The following CSNK1A1 variants were observed in gnomAD, a reference collection of about 807,000 sequenced individuals.
CSNK1A1 encodes casein kinase 1 alpha 1, also known as casein kinase I isoform alpha.
Under a neutral mutation model 46.1 loss-of-function variants are expected in CSNK1A1, and 7 were observed. The ratio of observed to expected loss-of-function variants is 0.15; its 90% confidence interval spans 0.09 to 0.29. The LOEUF (loss-of-function observed/expected upper bound fraction) is 0.29. Among genes scored for constraint, CSNK1A1 ranks in the 10% least tolerant of loss-of-function variants. CSNK1A1 has a pLI of 1.00. For missense variants in CSNK1A1, 96 were observed against 417.1 expected (o/e 0.23, Z 6.71); for synonymous variants, 137 against 141.5 (o/e 0.97, Z 0.23).
chr5:149,498,233 T>A (rs929090076), intron 9 of CSNK1A1: 1 of 985,294 alleles, frequency 1.0e-6, no homozygotes, highest in Non-Finnish European at 1.2e-6. Flanking sequence ...GCCCCTTTTT[T>A]TTTTTGGGAA....
chr5:149,534,048 T>A (rs530031218), intron 2 of CSNK1A1, among the ~76,000 whole-genome samples: 1 of 152,198 alleles, frequency 6.6e-6, no homozygotes, highest in Non-Finnish European at 1.5e-5. Context: ...AGAAACAAAC[T>A]GTACAGCTTA....
At chr5:149,510,012 A>AT in intron 6 of CSNK1A1, 59 bp from the exon 7 acceptor site, 1 of 1,154,076 alleles carries the variant, frequency 8.7e-7, no homozygotes, top group Non-Finnish European at 1.3e-6. Flanking sequence ...GAACCATGGT[A>AT]GTTTAACGCA....
intron 2 of CSNK1A1, among the ~76,000 whole-genome samples, chr5:149,527,150 C>A (rs1225771937): frequency 6.6e-6 from 1 of 150,550 alleles, no homozygotes; most frequent in African/African-American, 2.4e-5. Context: ...TTTTGAGACA[C>A]AGTCTCTTGC....
At chr5:149,508,869 C>T (rs1761123099) in intron 7 of CSNK1A1, among the ~76,000 whole-genome samples, 1 of 152,174 alleles carries the variant, frequency 6.6e-6, no homozygotes, top group African/African-American at 2.4e-5. Context: ...AAACCAGAAA[C>T]ATAAAACACT....
intron 2 of CSNK1A1, among the ~76,000 whole-genome samples, chr5:149,532,881 C>G (rs553879924): frequency 6.6e-6 from 1 of 152,202 alleles, no homozygotes; most frequent in African/African-American, 2.4e-5. Flanking sequence ...TGGTTATGAA[C>G]CAGGTTAAGA....
intron 9 of CSNK1A1, chr5:149,499,086 T>C (rs1245863045): frequency 3.0e-6 from 3 of 985,272 alleles, no homozygotes; most frequent in African/African-American, 3.5e-5. Flanking sequence ...TGTCCTAAGA[T>C]GTTACTGAAG....
chr5:149,537,331 G>A (rs1029947036), intron 2 of CSNK1A1, among the ~76,000 whole-genome samples: 2 of 152,140 alleles, frequency 1.3e-5, no homozygotes, highest in African/African-American at 4.8e-5. Context: ...AGCCGAGATC[G>A]TGCCACTGTA....
chr5:149,512,817 T>TA (rs1263610115), intron 5 of CSNK1A1, among the ~76,000 whole-genome samples: 2 of 152,202 alleles, frequency 1.3e-5, no homozygotes, highest in African/African-American at 4.8e-5. Flanking sequence ...ACATTGCACT[T>TA]ATGCTTCTAA....
intron 2 of CSNK1A1, among the ~76,000 whole-genome samples, chr5:149,530,535 T>TA (rs1468845827): frequency 1.3e-5 from 2 of 152,240 alleles, no homozygotes; most frequent in Non-Finnish European, 1.5e-5. Context: ...CTCTCAAACT[T>TA]AGTCTCTTGC....
rs570485621 is a variant in CSNK1A1 at position 149,517,331 on chromosome 5, C to T, written c.456+2959G>A. Among the ~76,000 whole-genome samples, 2 of 152,268 alleles carry T rather than the reference C, an allele frequency of 1.3e-5. No individual in the cohort carries two copies. The highest frequency in any genetic ancestry group is 4.8e-5 in the African/African-American group (2 of 41,564). On this transcript the variant is annotated intron_variant, in intron 4 of 9. Transcript: ENST00000377843. This position sits in a 1 kb window ranked among gnomAD's most constrained non-coding sequence, Gnocchi z 4.4. ...AACACTAGATCTGAAATCTGATCTA[C>T]ACTTACCTGAAGTTCCTTAGGGAAG...
At chr5:149,544,943 C>T (rs960691439) in intron 2 of CSNK1A1, among the ~76,000 whole-genome samples, 3 of 150,886 alleles carry the variant, frequency 2.0e-5, no homozygotes, top group African/African-American at 7.3e-5. Flanking sequence ...TGAGACTAGC[C>T]TGGCCATCAC....
At chr5:149,536,212 C>T (rs1580853225) in intron 2 of CSNK1A1, among the ~76,000 whole-genome samples, 1 of 152,176 alleles carries the variant, frequency 6.6e-6, no homozygotes, top group Non-Finnish European at 1.5e-5. Flanking sequence ...CTCGGCCTCC[C>T]AAAGTGCTAG....
At chr5:149,498,163 C>T (rs185997743) in intron 9 of CSNK1A1, 4 of 985,224 alleles carry the variant, frequency 4.1e-6, no homozygotes, top group African/African-American at 3.5e-5. Context: ...GTTGGGCCAT[C>T]TCCCATGGGC....
chr5:149,547,673 GT>G (rs549925571), intron 2 of CSNK1A1, among the ~76,000 whole-genome samples: 43 of 148,186 alleles, frequency 2.9e-4, no homozygotes, highest in African/African-American at 7.7e-4. Context: ...CACATAGTAG[GT>G]TTTTTTTTTA....
intron 2 of CSNK1A1, among the ~76,000 whole-genome samples, chr5:149,534,795 G>C (rs762044047): frequency 1.3e-5 from 2 of 151,586 alleles, no homozygotes; most frequent in Non-Finnish European, 2.9e-5. Context: ...GCCAGGCGTG[G>C]TGGCATGCGC....
chr5:149,540,209 A>G (rs1762185287), intron 2 of CSNK1A1, among the ~76,000 whole-genome samples: 1 of 152,212 alleles, frequency 6.6e-6, no homozygotes, highest in Non-Finnish European at 1.5e-5. Context: ...TACAAATTAT[A>G]GAATTCATTC....
chr5:149,496,801 A>G lies in CSNK1A1; in HGVS notation c.*52T>C. On this transcript the variant is annotated 3_prime_UTR_variant, in exon 10 of 10. Transcript: ENST00000377843. ...CTAAAATTTCTAGATTTGGGGAGAA[A>G]CAAATGCTGCTCCGATCATCTGCTC... is the stretch of plus-strand genomic sequence containing the variant. The G allele has an allele frequency of 1.3e-6, 2 of 1,548,236 alleles. No individual in the cohort carries two copies. The highest frequency in any genetic ancestry group is 1.7e-6 in the Non-Finnish European group (2 of 1,148,552).
chr5:149,504,099 C>T (rs1760954752), intron 9 of CSNK1A1: 1 of 985,258 alleles, frequency 1.0e-6, no homozygotes, highest in African/African-American at 1.7e-5. Flanking sequence ...TTAAAACACT[C>T]AAAAGGAGCA....
At position 149,499,191 on chromosome 5, in the gene CSNK1A1, G is replaced by A. The variant is rs974567968; in HGVS notation, c.1007-2331C>T. On this transcript the variant is annotated intron_variant, in intron 9 of 9. Coordinates refer to ENST00000377843, the MANE Select transcript of CSNK1A1 (RefSeq NM_001892.6). ...TTTTCCCCAATACGCATTGGTCTTT[G>A]GTTTTTATCTTGCAGATTAGGTGGC... 4.6e-5 allele frequency: 45 copies of A among 984,652 alleles called. No individual in the cohort carries two copies. In the African/African-American group the frequency reaches 7.2e-4, roughly 16 times the overall value. The allele number at this position is 984,652 out of a possible 1,614,324, so 61.0% of individuals were successfully genotyped here.
Sources: gnomAD v4.1 joint callset for allele counts (sites outside exome capture counted in the v4.1 genomes callset) on GRCh38, gnomAD v4.1.1 for gene constraint, Gnocchi (gnomAD v3.1) non-coding constraint, MANE v1.5 for transcripts, NCBI Gene and HGNC (gene_info 2026-07-23, HGNC 2026-07-21) for gene names.